Variants in EGFL7 observed in about 807,000 individuals in gnomAD.
EGFL7 encodes the protein EGF like domain multiple 7.
In EGFL7, 48 loss-of-function variants were observed where a neutral mutation model predicts 37.1. The ratio of observed to expected loss-of-function variants is 1.29; its 90% CI spans 1.03 to 1.65. EGFL7 has a LOEUF of 1.65. EGFL7 is among the 40% of genes most tolerant of loss of function. EGFL7 has a pLI of 0.00. For missense variants in EGFL7, 384 were observed against 378.9 expected (o/e 1.01, Z -0.11); for synonymous variants, 180 against 156.8 (o/e 1.15, Z -1.10).
chr9:136,670,521 A>T (rs566983645), intron 8 of EGFL7, 191 bp downstream of exon 8: 1 of 836,062 alleles, frequency 1.2e-6, no homozygotes, highest in Non-Finnish European at 2.1e-6. Context: ...CCGGAGCCTC[A>T]TATCAGCCAA....
chr9:136,671,050 T>A, intron 9 of EGFL7, 36 bp downstream of exon 9: 1 of 1,050,222 alleles, frequency 9.5e-7, no homozygotes, highest in East Asian at 9.7e-5. Context: ...GGGCAGGCAG[T>A]CCAGGGTGGA....
rs1564283652 is a variant in EGFL7, at chr9:136,671,030, G to GCA, written c.636+16_636+17insCA. On this transcript the variant is annotated intron_variant, in intron 9 of 10. Transcript: ENST00000308874. Reference sequence around the variant, plus strand: ...GCTGGAGGAGGTGAGGCATTGGTGGGGGGGGGGGGGGGCAGGCAGTCCAGG... The same window carrying GCA: ...GCTGGAGGAGGTGAGGCATTGGTGGGCAGGGGGGGGGGGGCAGGCAGTCCAGG... 33 of 507,880 alleles carry GCA rather than the reference G, an allele frequency of 6.5e-5. No homozygotes were observed. Among genetic ancestry groups the GCA allele is most frequent in the East Asian group, 5.9e-4 (4 of 6,748 alleles). The allele number at this position is 507,880 out of a possible 1,614,324, so 31.5% of individuals were successfully genotyped here.
chr9:136,670,559 C>T (rs758048882), intron 8 of EGFL7: 1 of 790,352 alleles, frequency 1.3e-6, no homozygotes, highest in Non-Finnish European at 2.3e-6. Context: ...GTCCCGGGGT[C>T]CTGTCTGCAT....
At chr9:136,671,132 G>C in intron 9 of EGFL7, 118 bp downstream of exon 9, 1 of 782,508 alleles carries the variant, frequency 1.3e-6, no homozygotes, top group South Asian at 1.5e-5. Context: ...TGAGGCATCG[G>C]GGGGGTAGGC....
At chr9:136,660,088 C>T (rs1242069051), upstream of EGFL7, among the ~76,000 whole-genome samples, 1 of 152,164 alleles carries the variant, frequency 6.6e-6, no homozygotes, top group Non-Finnish European at 1.5e-5. Flanking sequence ...GAAGGGGGCA[C>T]CTCCAAGGAC....
At chr9:136,669,514 AC>A (rs1845698018) in intron 5 of EGFL7, 91 bp from the exon 6 acceptor site, 1 of 894,260 alleles carries the variant, frequency 1.1e-6, no homozygotes, top group Admixed American at 2.1e-5. Context: ...TGCTGGGGTG[AC>A]CCTGTGCACT....
In EGFL7 at chr9:136,671,994, C is replaced by A; in HGVS notation, c.705C>A (p.Asp235Glu). 6.5e-7 allele frequency: 1 copy of A among 1,543,078 alleles called. No homozygotes were observed. The highest frequency in any genetic ancestry group is 8.7e-7 in the Non-Finnish European group (1 of 1,146,646). The change falls in exon 10 of 11, where the codon GAC becomes GAA. Residue 235 changes from aspartate to glutamate, a missense_variant. Coordinates refer to ENST00000308874, the MANE Select transcript of EGFL7 (RefSeq NM_016215.5). Reference protein sequence around the residue: ...ASQALEHGLPDPGSLLVHSFQ... With the variant: ...ASQALEHGLPEPGSLLVHSFQ... ...AGGCACTGGAGCATGGGCTCCCGGA[C>A]CCCGGCAGCCTCCTGGTGCACTCCT...
rs1221125116 is a variant in EGFL7, at chr9:136,666,577, G to T, written c.-42-1664G>T. ...CGGGAAAACATGACTTTCAAAAATT[G>T]AGTCTCCACTTAGCACCGCTTCCTG... On this transcript the variant is annotated intron_variant, in intron 3 of 10. Transcript: ENST00000308874. This position sits in a 1 kb window ranked among gnomAD's most constrained non-coding sequence, Gnocchi z 6.8. 6.6e-6 allele frequency among the ~76,000 whole-genome samples: 1 copy of T among 152,040 alleles called. No individual in the cohort carries two copies. Among genetic ancestry groups the T allele is most frequent in the Non-Finnish European group, 1.5e-5 (1 of 67,984 alleles).
At chr9:136,671,782 G>T in intron 9 of EGFL7, 144 bp from the exon 10 acceptor site, 1 of 1,126,434 alleles carries the variant, frequency 8.9e-7, no homozygotes, top group Non-Finnish European at 1.2e-6. Context: ...TGCCACGGCA[G>T]CCCCCTCTAG....
At position 136,672,671 on chromosome 9, in the gene EGFL7, A is replaced by G. The variant is rs1475634773; in HGVS notation, c.*385A>G. Reference sequence around the variant, plus strand: ...CCTGACCCCCAGCACAATAAAAATGAAACGTGAGCTGCTGTGTCAGTGGAT... The same window carrying G: ...CCTGACCCCCAGCACAATAAAAATGGAACGTGAGCTGCTGTGTCAGTGGAT... On this transcript the variant is annotated 3_prime_UTR_variant, in exon 11 of 11. Coordinates refer to ENST00000308874, the MANE Select transcript of EGFL7 (RefSeq NM_016215.5). 2 of 307,634 alleles carry G rather than the reference A, an allele frequency of 6.5e-6. No homozygotes were observed. Among genetic ancestry groups the G allele is most frequent in the Admixed American group, 8.9e-5 (2 of 22,364 alleles). The allele number at this position is 307,634 out of a possible 1,614,324, so 19.1% of individuals were successfully genotyped here. A position where few individuals can be genotyped will look rare whatever the true frequency, so the allele number is the denominator to read the frequency against.
intron 3 of EGFL7, chr9:136,665,848 G>C (rs551384194): frequency 6.8e-6 from 1 of 146,034 alleles, no homozygotes; most frequent in Admixed American, 6.8e-5. Flanking sequence ...GCGCGCCGGG[G>C]TCGGGGTCCG....
chr9:136,669,545 G>A (rs1237458048), intron 5 of EGFL7, 61 bp from the exon 6 acceptor site: 2 of 1,273,838 alleles, frequency 1.6e-6, no homozygotes, highest in East Asian at 2.4e-5. Context: ...GACTCTAGAT[G>A]CCCAGCAGGT....
Position 136,669,996 on chromosome 9 carries a change from C to T in EGFL7, c.396C>T (p.Asp132=). The T allele has an allele frequency of 6.3e-7, 1 of 1,598,542 alleles. No individual in the cohort carries two copies. The highest frequency in any genetic ancestry group is 2.2e-5 in the East Asian group (1 of 44,568). The change falls in exon 7 of 11, where the codon GAC becomes GAT. Residue 132 remains aspartate, a synonymous_variant. Coordinates refer to ENST00000308874, the MANE Select transcript of EGFL7 (RefSeq NM_016215.5). ...RCRCPAGWRG[D]TCQSDVDECS... ...GCTGCCCTGCAGGATGGCGGGGTGA[C>T]ACTTGCCAGTCAGGTGAGGCTGGCT...
In EGFL7 at chr9:136,670,258, C is replaced by T; in HGVS notation, c.499C>T (p.His167Tyr). The T allele has an allele frequency of 6.2e-7, 1 of 1,612,368 alleles. No homozygotes were observed. Among genetic ancestry groups the T allele is most frequent in the African/African-American group, 1.3e-5 (1 of 75,060 alleles). Residue 167 changes from histidine to tyrosine, a missense_variant, in exon 8 of 11, where the codon CAC (histidine) becomes TAC (tyrosine). His to Tyr is a moderately conservative substitution (Grantham distance 83). Coordinates refer to ENST00000308874, the MANE Select transcript of EGFL7 (RefSeq NM_016215.5). The stretch of plus-strand genomic sequence containing the variant: ...TTACTGGTGCCAGTGTTGGGAGGGG[C>T]ACAGCCTGTCTGCAGACGGTACACT... ...GSYWCQCWEG[H>Y]SLSADGTLCV...
rs1342461872 is a variant in EGFL7 at position 136,663,570 on chromosome 9, G to A, written c.-190G>A. 2 of 152,294 alleles carry A rather than the reference G, an allele frequency of 1.3e-5. No individual in the cohort carries two copies. The highest frequency in any genetic ancestry group is 4.8e-5 in the African/African-American group (2 of 41,454). 9.4% of individuals were successfully genotyped at this position (152,294 alleles called of 1,614,324 possible). ...CCCGGGGAGGGGAACTGGCCCCGAGGGAGAGGAACCCCAAAGCCACATCTG... is the reference window on the plus strand; with the variant it reads ...CCCGGGGAGGGGAACTGGCCCCGAGAGAGAGGAACCCCAAAGCCACATCTG... On this transcript the variant is annotated 5_prime_UTR_variant, in exon 2 of 11. Transcript: ENST00000308874.
At position 136,668,557 on chromosome 9, in the gene EGFL7, C is replaced by G; in HGVS notation, c.81C>G (p.Gly27=). The change falls in exon 5 of 11, where the codon GGC becomes GGG. Residue 27 remains glycine (G), a splice_region_variant and synonymous_variant. Transcript: ENST00000308874. Reference sequence around the variant, plus strand: ...GCTGACCCCCTCTCCACCCCCGCAGCCGTAGGGTGTGTGCTGTCCGGGCTC... The same window carrying G: ...GCTGACCCCCTCTCCACCCCCGCAGGCGTAGGGTGTGTGCTGTCCGGGCTC... The part of the protein sequence containing the change: ...VGGTEHAYRP[G]RRVCAVRAHG... The G allele has an allele frequency of 6.2e-7, 1 of 1,608,456 alleles. No individual in the cohort carries two copies.
upstream of EGFL7, among the ~76,000 whole-genome samples, chr9:136,661,341 G>A (rs1012202188): frequency 2.6e-5 from 4 of 152,154 alleles, no homozygotes; most frequent in Admixed American, 6.5e-5. Flanking sequence ...TGAGCCCCTG[G>A]GTGGGAGAGC....
At chr9:136,665,153 C>G (rs1178370598) in intron 3 of EGFL7, among the ~76,000 whole-genome samples, 1 of 152,212 alleles carries the variant, frequency 6.6e-6, no homozygotes, top group Non-Finnish European at 1.5e-5. Context: ...CCAGTGACCC[C>G]GGTGAGGGTG....
rs1421953873 is a variant in EGFL7, at chr9:136,672,534, G to T, written c.*248G>T. 6.7e-6 allele frequency: 4 copies of T among 597,506 alleles called. No individual in the cohort carries two copies. Among genetic ancestry groups the T allele is most frequent in the Non-Finnish European group, 1.2e-5 (4 of 335,958 alleles). The allele number at this position is 597,506 out of a possible 1,614,324, so 37.0% of individuals were successfully genotyped here. The stretch of plus-strand genomic sequence containing the variant: ...CCTGGCTACCCCAACGGCATCCCAA[G>T]GCCAGGTGGGCCCTCAGCTGAGGGA... On this transcript the variant is annotated 3_prime_UTR_variant, in exon 11 of 11. Coordinates refer to ENST00000308874, the MANE Select transcript of EGFL7 (RefSeq NM_016215.5).
Sources: allele counts gnomAD v4.1 joint callset (sites outside exome capture counted in the v4.1 genomes callset), GRCh38; gene constraint gnomAD v4.1.1; non-coding constraint Gnocchi (gnomAD v3.1); transcripts MANE v1.5; gene names NCBI Gene and HGNC (gene_info 2026-07-23, HGNC 2026-07-21).